CGNL1: variants seen among roughly 807,000 people sequenced by gnomAD.
The protein encoded by CGNL1 is cingulin-like protein 1.
CGNL1 carries 132 observed loss-of-function variants against 141.2 expected under a neutral mutation model. The ratio of observed to expected loss-of-function variants is 0.93; its 90% CI spans 0.81 to 1.08. The LOEUF is 1.08. CGNL1 is among the 50% of genes least tolerant of loss of function. CGNL1 has a pLI of 0.00. For synonymous variants in CGNL1, 690 were observed against 622.1 expected, an observed-to-expected ratio of 1.11 and a Z score of -1.63; for missense variants, 1,870 against 1,588.6, an observed-to-expected ratio of 1.18 and a Z score of -3.01.
intron 1 of CGNL1, among the ~76,000 whole-genome samples, chr15:57,437,662 A>G (rs890259971): frequency 7.0e-6 from 1 of 142,430 alleles, no homozygotes; most frequent in Non-Finnish European, 1.6e-5. Context: ...CAACCAGAAC[A>G]GCCCAAAACA....
Position 57,415,578 on chromosome 15 carries a change from A to G in CGNL1, c.-15-22407A>G, listed in dbSNP as rs1201406430. Among the ~76,000 whole-genome samples, 3 of 152,238 alleles carry G rather than the reference A, an allele frequency of 2.0e-5. No individual in the cohort carries two copies. The East Asian group carries it at 5.8e-4, about 29-fold the overall frequency. On this transcript the variant is annotated intron_variant, in intron 1 of 18. Coordinates refer to ENST00000281282, the MANE Select transcript of CGNL1 (RefSeq NM_032866.5). ...AATCATTTTAAGCCACTAAATTGCC[A>G]AAAGATTCCTTCCCTTAAAAGTCTT...
intron 7 of CGNL1, among the ~76,000 whole-genome samples, chr15:57,455,609 C>T (rs1314732899): frequency 6.6e-6 from 1 of 152,190 alleles, no homozygotes; most frequent in Non-Finnish European, 1.5e-5. Context: ...CATTTCACAT[C>T]TAGCACAGTG....
intron 14 of CGNL1, among the ~76,000 whole-genome samples, chr15:57,541,942 G>A (rs779919408): frequency 3.9e-5 from 6 of 152,344 alleles, no homozygotes; most frequent in Non-Finnish European, 8.8e-5. Context: ...CCCCTGTGGT[G>A]TTGGAGGCCT....
At chr15:57,443,040 C>T (rs1348469604) in intron 4 of CGNL1, among the ~76,000 whole-genome samples, 1 of 152,166 alleles carries the variant, frequency 6.6e-6, no homozygotes, top group African/African-American at 2.4e-5. Context: ...GGAAGACTAG[C>T]ATTGTCATAG....
intron 7 of CGNL1, among the ~76,000 whole-genome samples, chr15:57,460,362 G>T (rs1432902361): frequency 6.6e-6 from 1 of 152,230 alleles, no homozygotes; most frequent in Non-Finnish European, 1.5e-5. Flanking sequence ...AGTAGAGGCA[G>T]TGAACAGAAA....
chr15:57,516,711 C>T (rs1428977430), intron 8 of CGNL1, 69 bp from the exon 9 acceptor site: 3 of 1,503,148 alleles, frequency 2.0e-6, no homozygotes, highest in Non-Finnish European at 1.8e-6. Context: ...AAATGCCAGC[C>T]ATTCTTCCAG....
intron 1 of CGNL1, among the ~76,000 whole-genome samples, chr15:57,409,370 A>G (rs539992429): frequency 2.6e-5 from 4 of 152,360 alleles, no homozygotes; most frequent in African/African-American, 9.6e-5. Context: ...TTATGCTGAA[A>G]GCAAAAGAAG....
chr15:57,404,060 A>C (rs1044411113), intron 1 of CGNL1, among the ~76,000 whole-genome samples: 23 of 152,188 alleles, frequency 1.5e-4, no homozygotes, highest in African/African-American at 5.6e-4. Flanking sequence ...GTGCAATTCA[A>C]GGTGTTGATT....
chr15:57,402,847 C>T (rs975837125), intron 1 of CGNL1: 9 of 152,160 alleles, frequency 5.9e-5, no homozygotes, highest in African/African-American at 2.2e-4. Flanking sequence ...TGCCATCTCA[C>T]CCCCCAGGAA....
chr15:57,377,186 A>C (rs924449881), intron 1 of CGNL1: 1 of 150,754 alleles, frequency 6.6e-6, no homozygotes, highest in Non-Finnish European at 1.5e-5. Context: ...GTCATGTTGG[A>C]GTTAGTTACA....
intron 5 of CGNL1, 70 bp downstream of exon 5, chr15:57,451,671 T>C (rs2063323855): frequency 1.7e-6 from 2 of 1,180,450 alleles, no homozygotes. Flanking sequence ...TTTACATGCA[T>C]TGGGATAACC....
At chr15:57,506,024 A>C (rs1175177934) in intron 8 of CGNL1, among the ~76,000 whole-genome samples, 1 of 152,208 alleles carries the variant, frequency 6.6e-6, no homozygotes, top group East Asian at 1.9e-4. Flanking sequence ...GTGAGCTTCC[A>C]GATTGAGCCT....
intron 8 of CGNL1, among the ~76,000 whole-genome samples, chr15:57,513,411 A>G (rs1341125330): frequency 7.2e-5 from 11 of 152,012 alleles, no homozygotes; most frequent in Admixed American, 5.2e-4. Context: ...GATATGCCAC[A>G]TTTTGTTTAC....
At chr15:57,424,247 G>A (rs1325350864) in intron 1 of CGNL1, among the ~76,000 whole-genome samples, 1 of 152,088 alleles carries the variant, frequency 6.6e-6, no homozygotes, top group Admixed American at 6.5e-5. Flanking sequence ...GCACTCACAC[G>A]GCTTAGATCT....
Position 57,460,355 on chromosome 15 carries a change from A to G in CGNL1, c.2191-1325A>G, listed in dbSNP as rs114227905. 6.6e-3 allele frequency among the ~76,000 whole-genome samples: 1,007 copies of G among 152,332 alleles called. 5 individuals carry two copies. The highest frequency in any genetic ancestry group is 0.023 in the African/African-American group (963 of 41,582). Reference sequence around the variant, plus strand: ...AGGAGTGAATGGGCAGTTGTGAAGTAGAGGCAGTGAACAGAAATTATGCTT... The same window carrying G: ...AGGAGTGAATGGGCAGTTGTGAAGTGGAGGCAGTGAACAGAAATTATGCTT... On this transcript the variant is annotated intron_variant, in intron 7 of 18. Coordinates refer to ENST00000281282, the MANE Select transcript of CGNL1 (RefSeq NM_032866.5).
At chr15:57,512,047 CT>C in intron 8 of CGNL1, among the ~76,000 whole-genome samples, 1 of 152,306 alleles carries the variant, frequency 6.6e-6, no homozygotes, top group South Asian at 2.1e-4. Context: ...CCCCAGGGAA[CT>C]TCCACTTGAG....
chr15:57,461,975 C>A, intron 8 of CGNL1, 83 bp downstream of exon 8: 1 of 1,002,572 alleles, frequency 1.0e-6, no homozygotes, highest in Non-Finnish European at 1.6e-6. Context: ...AAATCCCCTT[C>A]ATTCCTTTTA....
intron 10 of CGNL1, among the ~76,000 whole-genome samples, chr15:57,522,952 T>C (rs148058160): frequency 1.3e-5 from 2 of 152,320 alleles, no homozygotes; most frequent in East Asian, 3.9e-4. Context: ...GTCCAATTCA[T>C]GGATTTTGTT....
chr15:57,518,343 A>G lies in CGNL1; in HGVS notation c.2611-50A>G, dbSNP rs146748860. Reference sequence around the variant, plus strand: ...CATTTAATTCCATTGAGTCAGTTTCATAGGTACAGCACACATCTAAGTGCA... The same window carrying G: ...CATTTAATTCCATTGAGTCAGTTTCGTAGGTACAGCACACATCTAAGTGCA... On this transcript the variant is annotated intron_variant, in intron 9 of 18. Transcript: ENST00000281282. 5,906 of 1,353,054 alleles carry G rather than the reference A, an allele frequency of 4.4e-3. 198 individuals carry two copies. In the African/African-American group the frequency reaches 0.075, roughly 17 times the overall value. The allele number at this position is 1,353,054 out of a possible 1,614,324, so 83.8% of individuals were successfully genotyped here.
Sources: gnomAD v4.1 joint callset for allele counts (sites outside exome capture counted in the v4.1 genomes callset) on GRCh38, gnomAD v4.1.1 for gene constraint, MANE v1.5 for transcripts, NCBI Gene and HGNC (gene_info 2026-07-23, HGNC 2026-07-21) for gene names.